TRPA1: variants seen among roughly 807,000 people sequenced by gnomAD.
The protein encoded by TRPA1 is ankyrin-like with transmembrane domains 1.
Under a neutral mutation model 131.3 loss-of-function variants are expected in TRPA1, and 129 were observed. That is an observed-to-expected ratio of 0.98 (90% CI 0.85 to 1.14). The LOEUF is 1.14. Among genes scored for constraint, TRPA1 ranks in the 50% most tolerant of loss-of-function variants. The probability of loss-of-function intolerance (pLI) is 0.00; values close to 1 mark genes in which losing one functional copy is unlikely to be tolerated. For missense variants in TRPA1, 1,304 were observed against 1,354.2 expected (o/e 0.96, Z 0.58); for synonymous variants, 441 against 451.7 (o/e 0.98, Z 0.30).
In TRPA1 at chr8:72,031,334, T is replaced by C. The variant is rs1381958997; in HGVS notation, c.2869-1365A>G. Among the ~76,000 whole-genome samples the C allele has an allele frequency of 4.6e-5, 7 of 151,948 alleles. No homozygotes were observed. The South Asian group carries it at 6.2e-4, about 14-fold the overall frequency. On this transcript the variant is annotated intron_variant, in intron 23 of 26. Coordinates refer to ENST00000262209, the MANE Select transcript of TRPA1 (RefSeq NM_007332.3). ...CATTTTACATCTGTAATCCCAGAAA[T>C]TGGGGAGGCTGAGGTGGGAGGATCA... is the stretch of plus-strand genomic sequence containing the variant.
intron 15 of TRPA1, among the ~76,000 whole-genome samples, chr8:72,050,493 A>T (rs1314247729): frequency 6.6e-6 from 1 of 152,224 alleles, no homozygotes; most frequent in Non-Finnish European, 1.5e-5. Flanking sequence ...CGAAACATAT[A>T]CAAAAGCTTT....
At chr8:72,083,561 C>T in the TRPA1 span, among the ~76,000 whole-genome samples, 1 of 150,612 alleles carries the variant, frequency 6.6e-6, no homozygotes. Flanking sequence ...AGTGAAACCC[C>T]TTCTCTACTA....
rs939926943 is a variant in TRPA1 at position 72,036,581 on chromosome 8, C to A, written c.2386-124G>T. 2.0e-4 allele frequency: 173 copies of A among 865,844 alleles called. No individual in the cohort carries two copies. The South Asian group carries it at 2.1e-3, about 10-fold the overall frequency. The allele number at this position is 865,844 out of a possible 1,614,324, so 53.6% of individuals were successfully genotyped here. On this transcript the variant is annotated intron_variant, in intron 20 of 26. Transcript: ENST00000262209. ...AGCCAGCTGGGGAGAAGTTTAGGAC[C>A]AAGGAGTAACCTCACGCCATCCTGG...
chr8:72,029,618 T>G (rs945615773), intron 24 of TRPA1: 2 of 528,296 alleles, frequency 3.8e-6, no homozygotes, highest in Non-Finnish European at 6.9e-6. Context: ...GTGAAAGTGA[T>G]GCATATTCAG....
chr8:72,035,317 A>G (rs1811991019), intron 21 of TRPA1, among the ~76,000 whole-genome samples: 1 of 152,124 alleles, frequency 6.6e-6, no homozygotes, highest in Non-Finnish European at 1.5e-5. Context: ...CCTGTCTTAA[A>G]TCCTATTTCT....
chr8:72,039,627 G>C (rs1195940481), intron 18 of TRPA1, 100 bp downstream of exon 18: 2 of 843,666 alleles, frequency 2.4e-6, no homozygotes, highest in Non-Finnish European at 3.9e-6. Context: ...AATAACAAAA[G>C]CTAAAACATT....
chr8:72,085,830 CT>C, the TRPA1 span, among the ~76,000 whole-genome samples: 1 of 152,000 alleles, frequency 6.6e-6, no homozygotes, highest in Non-Finnish European at 1.5e-5. Context: ...GTTTTATTTC[CT>C]CTTCCTGGTT....
chr8:72,047,589 CA>C (rs1379651735), intron 15 of TRPA1, among the ~76,000 whole-genome samples: 3 of 152,036 alleles, frequency 2.0e-5, no homozygotes, highest in African/African-American at 7.2e-5. Context: ...CTAAACGCTC[CA>C]AAATCCAAAA....
intron 6 of TRPA1, 54 bp downstream of exon 6, chr8:72,062,745 A>G: frequency 6.4e-7 from 1 of 1,553,614 alleles, no homozygotes; most frequent in African/African-American, 1.4e-5. Flanking sequence ...AAAGCATTTT[A>G]TATGTTTATG....
At chr8:72,061,577 T>A in intron 7 of TRPA1, 48 bp downstream of exon 7, 1 of 1,611,110 alleles carries the variant, frequency 6.2e-7, no homozygotes, top group Non-Finnish European at 8.5e-7. Flanking sequence ...CTAATTTCAC[T>A]CATGAAGATG....
At chr8:72,028,114 T>C (rs1025883383) in intron 24 of TRPA1, among the ~76,000 whole-genome samples, 4 of 152,200 alleles carry the variant, frequency 2.6e-5, no homozygotes, top group African/African-American at 7.2e-5. Flanking sequence ...ACACCATCTT[T>C]GTGACAGTAA....
At chr8:72,048,621 G>T (rs979708178) in intron 15 of TRPA1, among the ~76,000 whole-genome samples, 1 of 152,124 alleles carries the variant, frequency 6.6e-6, no homozygotes, top group Non-Finnish European at 1.5e-5. Flanking sequence ...TGTCTTGGGT[G>T]GGGGCTGGGG....
At chr8:72,029,205 A>G (rs1811715815) in intron 24 of TRPA1, among the ~76,000 whole-genome samples, 1 of 152,244 alleles carries the variant, frequency 6.6e-6, no homozygotes, top group African/African-American at 2.4e-5. Flanking sequence ...AAACTTCAAC[A>G]TAAATCATGC....
At chr8:72,052,988 TGTGTGTGAGA>T in intron 13 of TRPA1, 4 of 400,416 alleles carry the variant, frequency 1.0e-5, no homozygotes, top group Non-Finnish European at 1.8e-5. Context: ...TGTGTGTGTG[TGTGTGTGAGA>T]GATAGAGAAA....
intron 4 of TRPA1, 36 bp from the exon 5 acceptor site, chr8:72,063,607 T>C (rs371142098): frequency 1.1e-5 from 16 of 1,455,004 alleles, no homozygotes; most frequent in Non-Finnish European, 1.4e-5. Flanking sequence ...TGACACCAGT[T>C]AAACCCCAAA....
chr8:72,045,164 A>G (rs955613956), intron 17 of TRPA1, among the ~76,000 whole-genome samples: 1 of 151,958 alleles, frequency 6.6e-6, no homozygotes, highest in African/African-American at 2.4e-5. Context: ...GGAGAGCTAA[A>G]GCGCTTACAG....
chr8:72,033,938 G>T, intron 22 of TRPA1, 112 bp from the exon 23 acceptor site: 1 of 1,033,202 alleles, frequency 9.7e-7, no homozygotes, highest in Non-Finnish European at 1.5e-6. Context: ...TAAAGTCATA[G>T]GCATATAGCT....
chr8:72,028,764 T>G (rs1811697709), intron 24 of TRPA1, among the ~76,000 whole-genome samples: 1 of 152,238 alleles, frequency 6.6e-6, no homozygotes, highest in South Asian at 2.1e-4. Context: ...TCATGATAAG[T>G]TGTACTGGAC....
chr8:72,038,181 C>A, intron 19 of TRPA1, 109 bp from the exon 20 acceptor site: 1 of 622,690 alleles, frequency 1.6e-6, no homozygotes, highest in African/African-American at 1.9e-5. Flanking sequence ...TGCTTAATTT[C>A]TATATACTGT....
Sources: allele counts gnomAD v4.1 joint callset (sites outside exome capture counted in the v4.1 genomes callset), GRCh38; gene constraint gnomAD v4.1.1; transcripts MANE v1.5; gene names NCBI Gene and HGNC (gene_info 2026-07-23, HGNC 2026-07-21).